The following TMEM178B variants were observed in gnomAD, a reference collection of about 807,000 sequenced individuals.
The protein encoded by TMEM178B is transmembrane protein 178B.
TMEM178B carries 5 observed loss-of-function variants against 31.0 expected under a neutral mutation model. The ratio of observed to expected loss-of-function variants is 0.16; its 90% CI spans 0.08 to 0.34. TMEM178B has a LOEUF of 0.34. Among genes scored for constraint, TMEM178B ranks in the 10% least tolerant of loss-of-function variants. The pLI is 1.00. For missense variants in TMEM178B, 275 were observed against 400.3 expected, an observed-to-expected ratio of 0.69 and a Z score of 2.67; for synonymous variants, 164 against 164.0, an observed-to-expected ratio of 1.00 and a Z score of 0.00.
chr7:141,088,949 G>A (rs1214084616), intron 1 of TMEM178B, among the ~76,000 whole-genome samples: 1 of 152,170 alleles, frequency 6.6e-6, no homozygotes, highest in Non-Finnish European at 1.5e-5. Context: ...TTTAAAATGA[G>A]ATTTCCAGAT....
At chr7:141,314,364 C>T (rs992060037) in intron 2 of TMEM178B, among the ~76,000 whole-genome samples, 11 of 152,338 alleles carry the variant, frequency 7.2e-5, no homozygotes, top group South Asian at 2.1e-4. Flanking sequence ...TGTTTATACT[C>T]TTTTGGGGAC....
chr7:141,222,433 G>A (rs748759768), intron 2 of TMEM178B, among the ~76,000 whole-genome samples: 1 of 152,200 alleles, frequency 6.6e-6, no homozygotes, highest in African/African-American at 2.4e-5. Context: ...TAAGTGGTTT[G>A]ACCCCAGTAC....
intron 1 of TMEM178B, among the ~76,000 whole-genome samples, chr7:141,211,225 G>A (rs1352521950): frequency 1.3e-5 from 2 of 152,160 alleles, no homozygotes; most frequent in African/African-American, 2.4e-5. Flanking sequence ...AAAAGAGGCA[G>A]AAAAGTTGAA....
chr7:141,083,125 T>C (rs1267210816), intron 1 of TMEM178B, among the ~76,000 whole-genome samples: 2 of 152,148 alleles, frequency 1.3e-5, no homozygotes, highest in Non-Finnish European at 2.9e-5. Flanking sequence ...CACATCTAGA[T>C]GTTAGATGTT....
intron 3 of TMEM178B, among the ~76,000 whole-genome samples, chr7:141,467,067 C>G (rs1252465504): frequency 1.3e-5 from 2 of 152,074 alleles, no homozygotes; most frequent in African/African-American, 4.8e-5. Flanking sequence ...ATCACTTCTC[C>G]AGGTCATACA....
At chr7:141,507,286 T>A in the TMEM178B span, among the ~76,000 whole-genome samples, 11 of 152,354 alleles carry the variant, frequency 7.2e-5, no homozygotes, top group East Asian at 1.9e-3. Flanking sequence ...TAGCAGAGGT[T>A]CTCTATGAGG....
chr7:141,292,598 G>C (rs920103065), intron 2 of TMEM178B, among the ~76,000 whole-genome samples: 6 of 145,398 alleles, frequency 4.1e-5, no homozygotes, highest in African/African-American at 1.5e-4. Flanking sequence ...TTTCACCTTT[G>C]AATACCCCTC....
intron 1 of TMEM178B, among the ~76,000 whole-genome samples, chr7:141,085,038 C>G (rs577693133): frequency 3.9e-4 from 59 of 151,988 alleles, no homozygotes; most frequent in Non-Finnish European, 7.4e-4. Context: ...ACTGCCACAT[C>G]ACGATCTCAG....
At chr7:141,405,154 C>A (rs548454975) in intron 2 of TMEM178B, among the ~76,000 whole-genome samples, 1 of 152,212 alleles carries the variant, frequency 6.6e-6, no homozygotes. Flanking sequence ...CACAGCCAGA[C>A]GTAGAGGCCT....
intron 1 of TMEM178B, among the ~76,000 whole-genome samples, chr7:141,110,598 C>T (rs1795217544): frequency 2.6e-5 from 4 of 152,338 alleles, no homozygotes; most frequent in Admixed American, 2.6e-4. Flanking sequence ...TTTCCTTTCA[C>T]CATCAGGGTA....
the TMEM178B span, among the ~76,000 whole-genome samples, chr7:141,490,528 G>A: frequency 2.0e-5 from 3 of 152,150 alleles, no homozygotes; most frequent in Admixed American, 6.6e-5. Context: ...ACAGCCTCAG[G>A]GGGAACCAAC....
chr7:141,238,545 C>T (rs1324212303), intron 2 of TMEM178B, among the ~76,000 whole-genome samples: 1 of 152,100 alleles, frequency 6.6e-6, no homozygotes, highest in African/African-American at 2.4e-5. Context: ...TGCAGTGGAC[C>T]AGACAGGGAA....
At chr7:141,138,144 C>T (rs1795706094) in intron 1 of TMEM178B, among the ~76,000 whole-genome samples, 1 of 151,626 alleles carries the variant, frequency 6.6e-6, no homozygotes, top group African/African-American at 2.4e-5. Context: ...TCACTGCAAG[C>T]TCCACCTCCA....
At chr7:141,488,903 T>C in the TMEM178B span, among the ~76,000 whole-genome samples, 1,226 of 152,084 alleles carry the variant, frequency 8.1e-3, 15 homozygotes, top group African/African-American at 0.028. Context: ...TTTAATTTTT[T>C]TCCCCCGTTG....
intron 2 of TMEM178B, among the ~76,000 whole-genome samples, chr7:141,347,357 G>A (rs1799638292): frequency 6.6e-6 from 1 of 152,048 alleles, no homozygotes; most frequent in Non-Finnish European, 1.5e-5. Context: ...CTAAAGTTAG[G>A]GTGTAAGATC....
chr7:141,149,683 G>A (rs1795927721), intron 1 of TMEM178B, among the ~76,000 whole-genome samples: 1 of 152,196 alleles, frequency 6.6e-6, no homozygotes, highest in Admixed American at 6.5e-5. Flanking sequence ...GACCCCTGGG[G>A]AGAACGCCTT....
At chr7:141,305,958 C>T (rs1023847628) in intron 2 of TMEM178B, among the ~76,000 whole-genome samples, 4 of 152,098 alleles carry the variant, frequency 2.6e-5, no homozygotes, top group Non-Finnish European at 5.9e-5. Flanking sequence ...GGTGTCGTAG[C>T]CATGTATGTA....
At chr7:141,198,143 G>A (rs1796814283) in intron 1 of TMEM178B, among the ~76,000 whole-genome samples, 1 of 152,156 alleles carries the variant, frequency 6.6e-6, no homozygotes, top group African/African-American at 2.4e-5. Context: ...TCAGTGATAT[G>A]CATTTTTTTT....
chr7:141,460,236 G>T, intron 3 of TMEM178B, among the ~76,000 whole-genome samples: 1 of 152,202 alleles, frequency 6.6e-6, no homozygotes, highest in East Asian at 1.9e-4. Context: ...TGCCAACAGG[G>T]TTGTTTCCTC....
Sources: gnomAD v4.1 joint callset for allele counts (sites outside exome capture counted in the v4.1 genomes callset) on GRCh38, gnomAD v4.1.1 for gene constraint, MANE v1.5 for transcripts, NCBI Gene and HGNC (gene_info 2026-07-23, HGNC 2026-07-21) for gene names.